C1QTNF7: variants seen among roughly 807,000 people sequenced by gnomAD.
The protein encoded by C1QTNF7 is complement C1q tumor necrosis factor-related protein 7.
In C1QTNF7, 15 loss-of-function variants were observed where a neutral mutation model predicts 19.6. The observed-to-expected ratio is 0.76, with a 90% CI of 0.51 to 1.18. The LOEUF is 1.18. Among genes scored for constraint, C1QTNF7 ranks in the 50% most tolerant of loss-of-function variants. The pLI is 0.00. For synonymous variants in C1QTNF7, 142 were observed against 137.5 expected (o/e 1.03, Z -0.23); for missense variants, 324 against 359.7 (o/e 0.90, Z 0.80).
intron 1 of C1QTNF7, among the ~76,000 whole-genome samples, chr4:15,409,141 TA>T (rs1385028367): frequency 6.6e-6 from 1 of 152,258 alleles, no homozygotes; most frequent in Non-Finnish European, 1.5e-5. Context: ...CTAAAATTTT[TA>T]GATTTTTGTA....
At chr4:15,396,690 G>A (rs2108904085) in intron 1 of C1QTNF7, among the ~76,000 whole-genome samples, 1 of 152,136 alleles carries the variant, frequency 6.6e-6, no homozygotes, top group East Asian at 1.9e-4. Context: ...CAGTCCCTCT[G>A]AGGACCCTGA....
chr4:15,425,992 G>C (rs956543519), upstream of C1QTNF7, among the ~76,000 whole-genome samples: 1 of 152,048 alleles, frequency 6.6e-6, no homozygotes, highest in Non-Finnish European at 1.5e-5. Context: ...GACCATGGCG[G>C]GGGTATTCAC....
intron 1 of C1QTNF7, among the ~76,000 whole-genome samples, chr4:15,367,818 A>ATT (rs61013727): frequency 6.7e-6 from 1 of 149,946 alleles, no homozygotes; most frequent in African/African-American, 2.4e-5. Flanking sequence ...ACTTGTTTTT[A>ATT]TTTTTTTTTT....
At chr4:15,384,381 C>G (rs1408151631) in intron 1 of C1QTNF7, among the ~76,000 whole-genome samples, 1 of 152,148 alleles carries the variant, frequency 6.6e-6, no homozygotes, top group Non-Finnish European at 1.5e-5. Context: ...ATATATTTTG[C>G]CTTTCAAGTG....
chr4:15,406,438 T>A (rs1189839789), intron 1 of C1QTNF7, among the ~76,000 whole-genome samples: 1 of 152,166 alleles, frequency 6.6e-6, no homozygotes, highest in East Asian at 1.9e-4. Flanking sequence ...GAACTATGTG[T>A]GCTCGCTGCT....
chr4:15,420,266 A>T (rs1711685816), intron 1 of C1QTNF7, among the ~76,000 whole-genome samples: 1 of 152,082 alleles, frequency 6.6e-6, no homozygotes, highest in Non-Finnish European at 1.5e-5. Context: ...TACTTATTCC[A>T]TCCTGGCACT....
intron 1 of C1QTNF7, among the ~76,000 whole-genome samples, chr4:15,385,990 G>A (rs960025135): frequency 1.3e-5 from 2 of 152,014 alleles, no homozygotes; most frequent in Non-Finnish European, 2.9e-5. Context: ...ATTTTGTTTC[G>A]CCAGCCAGAA....
At chr4:15,420,650 G>A (rs1363152795) in intron 1 of C1QTNF7, among the ~76,000 whole-genome samples, 1 of 151,946 alleles carries the variant, frequency 6.6e-6, no homozygotes, top group Non-Finnish European at 1.5e-5. Flanking sequence ...GTTTCAGAGG[G>A]GTAATCCTCA....
intron 1 of C1QTNF7, among the ~76,000 whole-genome samples, chr4:15,353,316 C>T (rs899469791): frequency 1.3e-5 from 2 of 152,128 alleles, no homozygotes; most frequent in Admixed American, 6.6e-5. Flanking sequence ...TTTAAGATCA[C>T]GTTGGGTAAG....
chr4:15,380,636 TA>T (rs1207822729), intron 1 of C1QTNF7, among the ~76,000 whole-genome samples: 4 of 152,286 alleles, frequency 2.6e-5, no homozygotes, highest in Non-Finnish European at 5.9e-5. Context: ...GTCTTTCATT[TA>T]AAAAAGGTAT....
intron 1 of C1QTNF7, among the ~76,000 whole-genome samples, chr4:15,430,139 A>G (rs1361548227): frequency 3.3e-5 from 5 of 152,240 alleles, no homozygotes; most frequent in Non-Finnish European, 5.9e-5. Context: ...ATATAAGCAC[A>G]TGAACATGGA....
intron 1 of C1QTNF7, among the ~76,000 whole-genome samples, chr4:15,414,108 T>C (rs1227930458): frequency 6.6e-6 from 1 of 152,238 alleles, no homozygotes; most frequent in Admixed American, 6.5e-5. Flanking sequence ...CTCCTAGAGT[T>C]CTGTATGCTT....
chr4:15,365,150 C>T (rs1366191522), intron 1 of C1QTNF7, among the ~76,000 whole-genome samples: 1 of 151,828 alleles, frequency 6.6e-6, no homozygotes, highest in Admixed American at 6.6e-5. Flanking sequence ...TGTTTGGCAC[C>T]ATATATATGT....
chr4:15,354,622 G>A (rs1282003375), intron 1 of C1QTNF7, among the ~76,000 whole-genome samples: 2 of 152,012 alleles, frequency 1.3e-5, no homozygotes, highest in Non-Finnish European at 2.9e-5. Context: ...GGTTCACATT[G>A]GATGGTCTAA....
intron 1 of C1QTNF7, among the ~76,000 whole-genome samples, chr4:15,350,588 A>C (rs1207251338): frequency 6.6e-6 from 1 of 152,114 alleles, no homozygotes; most frequent in Non-Finnish European, 1.5e-5. Context: ...TGAACATAGA[A>C]ATTTAACCAT....
chr4:15,442,033 G>C, intron 2 of C1QTNF7, 135 bp from the exon 3 acceptor site: 4 of 884,484 alleles, frequency 4.5e-6, no homozygotes, highest in Non-Finnish European at 6.6e-6. Context: ...AAAAAAAAAA[G>C]TTTATTATTT....
chr4:15,344,640 T>C (rs1437120647), intron 1 of C1QTNF7, among the ~76,000 whole-genome samples: 1 of 152,196 alleles, frequency 6.6e-6, no homozygotes, highest in African/African-American at 2.4e-5. Flanking sequence ...ATAGAAATCA[T>C]AAACTATACA....
intron 1 of C1QTNF7, among the ~76,000 whole-genome samples, chr4:15,362,018 A>C (rs983992180): frequency 6.6e-6 from 1 of 152,130 alleles, no homozygotes; most frequent in Non-Finnish European, 1.5e-5. Flanking sequence ...AGGGCACAGA[A>C]GCCAGGCCGA....
chr4:15,408,109 T>C (rs1256943277), intron 1 of C1QTNF7, among the ~76,000 whole-genome samples: 1 of 150,870 alleles, frequency 6.6e-6, no homozygotes, highest in Non-Finnish European at 1.5e-5. Flanking sequence ...TCTACTAAAA[T>C]TACAAAAAAC....
Sources: allele counts gnomAD v4.1 joint callset (sites outside exome capture counted in the v4.1 genomes callset), GRCh38; gene constraint gnomAD v4.1.1; transcripts MANE v1.5; gene names NCBI Gene and HGNC (gene_info 2026-07-23, HGNC 2026-07-21).